The following ADAMTSL1 variants were observed in gnomAD, a reference collection of about 807,000 sequenced individuals.
ADAMTSL1 encodes the protein ADAMTS-like protein 1.
Under a neutral mutation model 201.8 loss-of-function variants are expected in ADAMTSL1, and 126 were observed. That is an observed-to-expected ratio of 0.62 (90% CI 0.54 to 0.72). The LOEUF (loss-of-function observed/expected upper bound fraction) is 0.72. Ranked by LOEUF, ADAMTSL1 falls within the 30% of genes least tolerant of loss-of-function variation. The pLI is 0.00. For synonymous variants in ADAMTSL1, 1,121 were observed against 903.4 expected (o/e 1.24, Z -4.32); for missense variants, 2,679 against 2,277.8 (o/e 1.18, Z -3.59).
chr9:18,063,238 A>G (rs116934767), intron 1 of ADAMTSL1, among the ~76,000 whole-genome samples: 224 of 152,288 alleles, frequency 1.5e-3, no homozygotes, highest in Non-Finnish European at 2.8e-3. Flanking sequence ...AGTTTCAGCG[A>G]CTTGGAAGGC....
chr9:17,987,389 T>A (rs998269701), intron 1 of ADAMTSL1, among the ~76,000 whole-genome samples: 1 of 152,084 alleles, frequency 6.6e-6, no homozygotes, highest in Admixed American at 6.6e-5. Flanking sequence ...CTACAGAGAA[T>A]TAAATGTCAC....
chr9:18,626,839 T>TTCTTTCTGTC (rs757449217), intron 5 of ADAMTSL1, among the ~76,000 whole-genome samples: 1 of 133,260 alleles, frequency 7.5e-6, no homozygotes, highest in Non-Finnish European at 1.6e-5. Flanking sequence ...CTTACTTTCT[T>TTCTTTCTGTC]TTTCTTTCTT....
chr9:18,681,707 G>GC, intron 11 of ADAMTSL1, 105 bp from the exon 12 acceptor site: 1 of 739,844 alleles, frequency 1.4e-6, no homozygotes, highest in Non-Finnish European at 1.9e-6. Flanking sequence ...TGGGGGGGGG[G>GC]GGCGGGGAAA....
At chr9:17,958,109 TCTTTA>T (rs138377934) in intron 1 of ADAMTSL1, among the ~76,000 whole-genome samples, 2,465 of 152,306 alleles carry the variant, frequency 0.016, 19 homozygotes, top group Non-Finnish European at 0.024. Context: ...AAATGTCTCT[TCTTTA>T]CTTCTTCCAT....
At chr9:18,554,026 C>T (rs1439206433) in intron 3 of ADAMTSL1, among the ~76,000 whole-genome samples, 1 of 151,668 alleles carries the variant, frequency 6.6e-6, no homozygotes, top group African/African-American at 2.4e-5. Context: ...ACATCTTTGT[C>T]TCTCTATATT....
intron 1 of ADAMTSL1, among the ~76,000 whole-genome samples, chr9:18,484,004 T>A (rs1821862366): frequency 6.6e-6 from 1 of 152,176 alleles, no homozygotes; most frequent in Admixed American, 6.5e-5. Flanking sequence ...AAAATGTGGA[T>A]AATTTGGTGA....
At chr9:18,643,731 G>C (rs1827594490) in intron 7 of ADAMTSL1, among the ~76,000 whole-genome samples, 1 of 151,816 alleles carries the variant, frequency 6.6e-6, no homozygotes, top group East Asian at 1.9e-4. Flanking sequence ...CTCTTTCATT[G>C]GTCTATGTGT....
At chr9:18,452,348 T>G (rs1820441080) in intron 2 of ADAMTSL1, among the ~76,000 whole-genome samples, 1 of 152,210 alleles carries the variant, frequency 6.6e-6, no homozygotes, top group Non-Finnish European at 1.5e-5. Context: ...ACACTTGCAC[T>G]GGGGCTGACT....
intron 4 of ADAMTSL1, among the ~76,000 whole-genome samples, chr9:18,594,504 A>C (rs1824134301): frequency 1.3e-5 from 2 of 152,008 alleles, no homozygotes; most frequent in Non-Finnish European, 2.9e-5. Flanking sequence ...AACTTTGTTC[A>C]TTCCTTTTCA....
At chr9:18,038,294 C>T (rs1299523375) in intron 1 of ADAMTSL1, among the ~76,000 whole-genome samples, 7 of 152,140 alleles carry the variant, frequency 4.6e-5, no homozygotes, top group East Asian at 3.9e-4. Flanking sequence ...TGTTGCCCCT[C>T]TCTGGGCCTC....
intron 15 of ADAMTSL1, chr9:18,723,003 C>G (rs948680671): frequency 2.6e-6 from 2 of 778,574 alleles, no homozygotes; most frequent in African/African-American, 1.7e-5. Flanking sequence ...GACTACAGTC[C>G]TGTCATCTAG....
At chr9:18,842,322 T>C (rs1222795868) in intron 23 of ADAMTSL1, among the ~76,000 whole-genome samples, 1 of 152,174 alleles carries the variant, frequency 6.6e-6, no homozygotes, top group African/African-American at 2.4e-5. Context: ...GAGCAGGTTG[T>C]TCAGTTTCCA....
At chr9:18,542,723 G>A (rs1286369858) in intron 3 of ADAMTSL1, among the ~76,000 whole-genome samples, 2 of 152,088 alleles carry the variant, frequency 1.3e-5, no homozygotes, top group Non-Finnish European at 1.5e-5. Context: ...CCAGTCTGTG[G>A]TATTTTCTTA....
At chr9:18,317,108 A>T (rs1301735415) in intron 2 of ADAMTSL1, among the ~76,000 whole-genome samples, 3 of 152,210 alleles carry the variant, frequency 2.0e-5, no homozygotes, top group Admixed American at 1.3e-4. Flanking sequence ...ACATTATGAT[A>T]AGTGAAATAA....
intron 26 of ADAMTSL1, among the ~76,000 whole-genome samples, chr9:18,898,175 C>T (rs926441088): frequency 2.0e-5 from 3 of 152,066 alleles, no homozygotes; most frequent in Admixed American, 6.6e-5. Context: ...GGTGACAGAG[C>T]GAGACTCCGT....
At chr9:18,414,893 T>G (rs1022283744) in intron 2 of ADAMTSL1, among the ~76,000 whole-genome samples, 4 of 151,936 alleles carry the variant, frequency 2.6e-5, no homozygotes, top group Non-Finnish European at 5.9e-5. Context: ...TCCCAAAGAG[T>G]GGGAGGTAAT....
intron 2 of ADAMTSL1, among the ~76,000 whole-genome samples, chr9:18,402,010 C>G (rs908240198): frequency 6.6e-6 from 1 of 152,170 alleles, no homozygotes; most frequent in African/African-American, 2.4e-5. Flanking sequence ...AAGCAGATTT[C>G]TTGTGAGCTA....
rs377540464 is a variant in ADAMTSL1 at position 18,083,470 on chromosome 9, A to T, written c.88-80392A>T. On this transcript the variant is annotated intron_variant, in intron 1 of 29. Coordinates refer to the ADAMTSL1 transcript ENST00000680146. ...CACATGATTGACTGTGGCATACATC[A>T]CCCAAGAAAAATGTATGTCTGTTTT... 1.4e-3 allele frequency among the ~76,000 whole-genome samples: 207 copies of T among 152,322 alleles called. 7 individuals are homozygous for T. In the South Asian group the frequency reaches 0.041, roughly 30 times the overall value.
intron 16 of ADAMTSL1, among the ~76,000 whole-genome samples, chr9:18,764,534 G>A (rs961924672): frequency 6.6e-6 from 1 of 152,150 alleles, no homozygotes; most frequent in Non-Finnish European, 1.5e-5. Context: ...TGGCTTTTGA[G>A]CTGGACCTTC....
Sources: allele counts gnomAD v4.1 joint callset (sites outside exome capture counted in the v4.1 genomes callset), GRCh38; gene constraint gnomAD v4.1.1; transcripts MANE v1.5; gene names NCBI Gene and HGNC (gene_info 2026-07-23, HGNC 2026-07-21).